The following NDUFC1 variants were observed in gnomAD, a reference collection of about 807,000 sequenced individuals.
NDUFC1 encodes NADH:ubiquinone oxidoreductase subunit C1.
In NDUFC1, 11 loss-of-function variants were observed where a neutral mutation model predicts 11.6. The observed-to-expected ratio is 0.95, with a 90% CI of 0.60 to 1.58. The LOEUF (loss-of-function observed/expected upper bound fraction) is 1.58. NDUFC1 is among the 40% of genes most tolerant of loss of function. NDUFC1 has a pLI of 0.00. For synonymous variants in NDUFC1, 52 were observed against 42.2 expected (o/e 1.23, Z -0.90); for missense variants, 112 against 93.0 (o/e 1.20, Z -0.84).
chr4:139,299,108 T>C (rs1745598313), intron 1 of NDUFC1, among the ~76,000 whole-genome samples: 2 of 152,098 alleles, frequency 1.3e-5, no homozygotes, highest in African/African-American at 4.8e-5. Context: ...TAGCTGGGGT[T>C]ACAGGCACGC....
intron 2 of NDUFC1, among the ~76,000 whole-genome samples, chr4:139,296,788 A>T (rs1745491344): frequency 6.6e-6 from 1 of 152,242 alleles, no homozygotes; most frequent in Admixed American, 6.5e-5. Flanking sequence ...CAGTAAAAAT[A>T]TTTATAGGTA....
Position 139,292,550 on chromosome 4 carries a change from T to C in NDUFC1, c.231A>G (p.Ter77=). 6.5e-7 allele frequency: 1 copy of C among 1,547,112 alleles called. No homozygotes were observed. Among genetic ancestry groups the C allele is most frequent in the Non-Finnish European group, 8.9e-7 (1 of 1,126,662 alleles). The part of the protein sequence containing the change: ...LEYKRRNGLE[*] ...CTTACTACATTAGTGTTTCAAAAGT[T>C]TATTCCAGCCCATTTCTTCTTTTGT... Residue 77 remains the stop codon, a stop_retained_variant, in exon 5 of 6, where the codon TAA becomes TAG. Coordinates refer to ENST00000394223, the MANE Select transcript of NDUFC1 (RefSeq NM_001184989.2).
At chr4:139,291,202 T>A (rs759105438) in intron 5 of NDUFC1, among the ~76,000 whole-genome samples, 18 of 151,844 alleles carry the variant, frequency 1.2e-4, no homozygotes, top group Non-Finnish European at 2.1e-4. Flanking sequence ...CATAACTAGG[T>A]TTTTTACCAG....
In NDUFC1 at chr4:139,295,877, G is replaced by A. The variant is rs182167835; in HGVS notation, c.-79C>T. The stretch of plus-strand genomic sequence containing the variant: ...GGCGGCCGGAAGTGCGGGACTCGAG[G>A]GCTCTGCAGCAGAGCTCCGTGGGGG... On this transcript the variant is annotated 5_prime_UTR_variant, in exon 3 of 6. Coordinates refer to ENST00000394223, the MANE Select transcript of NDUFC1 (RefSeq NM_001184989.2). 15 of 1,451,784 alleles carry A rather than the reference G, an allele frequency of 1.0e-5. No individual in the cohort carries two copies. The East Asian group carries it at 2.6e-4, about 25-fold the overall frequency. The allele number at this position is 1,451,784 out of a possible 1,614,324, so 89.9% of individuals were successfully genotyped here.
intron 5 of NDUFC1, among the ~76,000 whole-genome samples, chr4:139,291,773 TA>T (rs1745228574): frequency 2.0e-5 from 3 of 151,702 alleles, no homozygotes; most frequent in Non-Finnish European, 2.9e-5. Context: ...TAATTTGTCA[TA>T]AGTGCTATGA....
intron 1 of NDUFC1, chr4:139,301,634 C>T: frequency 1.1e-6 from 1 of 873,440 alleles, no homozygotes; most frequent in South Asian, 1.7e-5. Flanking sequence ...CCGGGTAGGG[C>T]AACGCGGCGA....
At chr4:139,292,219 T>C (rs1356528047) in intron 5 of NDUFC1, among the ~76,000 whole-genome samples, 1 of 152,140 alleles carries the variant, frequency 6.6e-6, no homozygotes, top group Non-Finnish European at 1.5e-5. Flanking sequence ...TAAAAGATTC[T>C]TGAGGCTAGC....
Position 139,295,140 on chromosome 4 carries a change from A to C in NDUFC1, c.74T>G (p.Val25Gly). 2 of 1,614,064 alleles carry C rather than the reference A, an allele frequency of 1.2e-6. No homozygotes were observed. Among genetic ancestry groups the C allele is most frequent in the Non-Finnish European group, 1.7e-6 (2 of 1,179,922 alleles). Residue 25 changes from valine to glycine, a missense_variant, in exon 4 of 6, where the codon GTG (valine) becomes GGG (glycine). Coordinates refer to ENST00000394223, the MANE Select transcript of NDUFC1 (RefSeq NM_001184989.2). ...CTCTCGCACGTAGAACTTTGATCGC[A>C]CTGAAGCTGAAAGGGGAAGAGGGTC... ...APARLPSGPSVRSKFYVREPP... is the reference protein window; with the variant it reads ...APARLPSGPSGRSKFYVREPP...
chr4:139,291,817 A>C (rs1377545946), intron 5 of NDUFC1, among the ~76,000 whole-genome samples: 2 of 152,134 alleles, frequency 1.3e-5, no homozygotes, highest in Admixed American at 6.5e-5. Context: ...AGATTTAAGA[A>C]AATAATATGA....
At chr4:139,301,894 CT>C in intron 1 of NDUFC1, 2 of 1,520,206 alleles carry the variant, frequency 1.3e-6, no homozygotes, top group Non-Finnish European at 1.8e-6. Context: ...CCTGTCACCC[CT>C]AACCTCGGCC....
chr4:139,291,125 T>TTA lies in NDUFC1; in HGVS notation c.*21-1035_*21-1034dup, dbSNP rs971995214. Among the ~76,000 whole-genome samples the TTA allele has an allele frequency of 3.4e-3, 507 of 148,680 alleles. 4 individuals are homozygous for TTA. Among genetic ancestry groups the TTA allele is most frequent in the African/African-American group, 0.01 (410 of 40,796 alleles). On this transcript the variant is annotated intron_variant, in intron 5 of 5. Coordinates refer to ENST00000394223, the MANE Select transcript of NDUFC1 (RefSeq NM_001184989.2). ...CTGCGCCCAGCCAGATGTATATATT[T>TTA]TATATATATATATATAATAAACTTT...
At chr4:139,295,696 G>T (rs1745434440) in intron 3 of NDUFC1, 36 bp downstream of exon 3, 1 of 1,530,814 alleles carries the variant, frequency 6.5e-7, no homozygotes, top group Non-Finnish European at 8.8e-7. Flanking sequence ...GGGGTAATCT[G>T]AGGGTCGAGT....
At chr4:139,296,896 T>C (rs1745495170) in intron 2 of NDUFC1, among the ~76,000 whole-genome samples, 1 of 152,248 alleles carries the variant, frequency 6.6e-6, no homozygotes, top group Non-Finnish European at 1.5e-5. Flanking sequence ...CTATATTCTC[T>C]TTAGCAATGT....
chr4:139,300,854 TA>T (rs1745685628), intron 1 of NDUFC1: 1 of 152,186 alleles, frequency 6.6e-6, no homozygotes, highest in East Asian at 1.9e-4. Flanking sequence ...ACAACGAAAT[TA>T]AAACACATAC....
At chr4:139,297,635 C>G (rs1745522198) in intron 1 of NDUFC1, among the ~76,000 whole-genome samples, 192 bp from the exon 2 acceptor site, 1 of 151,956 alleles carries the variant, frequency 6.6e-6, no homozygotes, top group African/African-American at 2.4e-5. Context: ...CAAGATTTTT[C>G]CACTGGGAAA....
intron 1 of NDUFC1, among the ~76,000 whole-genome samples, chr4:139,300,191 T>C (rs1349705835): frequency 6.6e-6 from 1 of 152,206 alleles, no homozygotes; most frequent in East Asian, 1.9e-4. Context: ...CCTGTATATA[T>C]GATTTTTCTC....
At position 139,295,754 on chromosome 4, in the gene NDUFC1, G is replaced by C; in HGVS notation, c.45C>G (p.Ala15=). Residue 15 remains alanine, a synonymous_variant, in exon 3 of 6, where the codon GCC becomes GCG. Transcript: ENST00000394223. ...CACGGCCGCTCGGGAGCCTGGCGGG[G>C]GCCAGCAGCCGGGAAAGGGGACGCA... ...ALLRPLSRLL[A]PARLPSGPSV... 1 of 1,552,284 alleles carries C rather than the reference G, an allele frequency of 6.4e-7. No individual in the cohort carries two copies. The highest frequency in any genetic ancestry group is 1.4e-5 in the African/African-American group (1 of 72,814).
chr4:139,296,068 T>A (rs1434428425), intron 2 of NDUFC1, 108 bp from the exon 3 acceptor site: 1 of 470,960 alleles, frequency 2.1e-6, no homozygotes, highest in Non-Finnish European at 3.7e-6. Flanking sequence ...ATCAAGAGGT[T>A]TATTAAAATT....
intron 2 of NDUFC1, 107 bp from the exon 3 acceptor site, chr4:139,296,067 TTTA>T (rs1426330186): frequency 4.2e-6 from 2 of 470,872 alleles, no homozygotes; most frequent in African/African-American, 4.1e-5. Flanking sequence ...CATCAAGAGG[TTTA>T]TTAAAATTTT....
Sources: gnomAD v4.1 joint callset for allele counts (sites outside exome capture counted in the v4.1 genomes callset) on GRCh38, gnomAD v4.1.1 for gene constraint, MANE v1.5 for transcripts, NCBI Gene and HGNC (gene_info 2026-07-23, HGNC 2026-07-21) for gene names.